ANKRD30B: variants seen among roughly 807,000 people sequenced by gnomAD.
The protein encoded by ANKRD30B is ankyrin repeat domain-containing protein 30B.
In ANKRD30B, 144 loss-of-function variants were observed where a neutral mutation model predicts 202.2. That is an observed-to-expected ratio of 0.71 (90% CI 0.62 to 0.82). ANKRD30B has a LOEUF of 0.82. Ranked by LOEUF, ANKRD30B falls within the 40% of genes least tolerant of loss-of-function variation. ANKRD30B has a pLI of 0.00. For synonymous variants in ANKRD30B, 508 were observed against 561.3 expected, an observed-to-expected ratio of 0.91 and a Z score of 1.34; for missense variants, 1,487 against 1,669.1, an observed-to-expected ratio of 0.89 and a Z score of 1.90.
the ANKRD30B span, among the ~76,000 whole-genome samples, chr18:14,904,097 A>G: frequency 2.6e-5 from 4 of 152,192 alleles, no homozygotes; most frequent in Non-Finnish European, 5.9e-5. Flanking sequence ...TCATCCACCC[A>G]CAGCAGGGCA....
At chr18:14,841,190 G>T (rs1475943289) in intron 37 of ANKRD30B, among the ~76,000 whole-genome samples, 1 of 152,196 alleles carries the variant, frequency 6.6e-6, no homozygotes, top group Non-Finnish European at 1.5e-5. Context: ...TTTATCTGCA[G>T]TATGTGAATA....
Position 14,851,711 on chromosome 18 carries a change from T to C in ANKRD30B, c.3767T>C (p.Val1256Ala), listed in dbSNP as rs773934918. ...ACCCTAAAACTGAAACAGAAAACAG[T>C]AACAAAAAGGGCATCTCAGTATAGA... ...QMTLKLKQKT[V>A]TKRASQYREQ... is the part of the protein sequence containing the mutation. Residue 1256 changes from valine to alanine, a missense_variant, in exon 42 of 44, where the codon GTA becomes GCA. This residue lies in a region of ANKRD30B where 177 missense variants were observed against 216.4 expected (regional missense o/e 0.82). Coordinates refer to ENST00000690538, the MANE Select transcript of ANKRD30B (RefSeq NM_001367607.2). 8.1e-6 allele frequency: 13 copies of C among 1,610,486 alleles called. No individual in the cohort carries two copies. The highest frequency in any genetic ancestry group is 1.3e-5 in the African/African-American group (1 of 74,386).
the ANKRD30B span, among the ~76,000 whole-genome samples, chr18:14,860,346 C>A: frequency 2.9e-5 from 3 of 101,786 alleles, no homozygotes; most frequent in Non-Finnish European, 6.0e-5. Flanking sequence ...ACTTCCCAGA[C>A]AGGGCTGCCG....
At chr18:14,896,091 T>A in the ANKRD30B span, among the ~76,000 whole-genome samples, 1 of 152,006 alleles carries the variant, frequency 6.6e-6, no homozygotes, top group Admixed American at 6.6e-5. Context: ...ATGGAGGAAC[T>A]GTGGGGGGAA....
At chr18:14,764,123 T>C (rs1244062515) in intron 7 of ANKRD30B, 33 bp downstream of exon 7, 2 of 1,467,280 alleles carry the variant, frequency 1.4e-6, no homozygotes, top group Non-Finnish European at 1.8e-6. Flanking sequence ...GCAGGGTTTA[T>C]TGGCACTTTG....
chr18:14,765,946 T>C (rs567670321), intron 7 of ANKRD30B, among the ~76,000 whole-genome samples: 13 of 152,316 alleles, frequency 8.5e-5, no homozygotes, highest in African/African-American at 2.9e-4. Flanking sequence ...GTAGGGTTTC[T>C]TTTTCACTGT....
Position 14,791,384 on chromosome 18 carries a change from G to C in ANKRD30B, c.1735-17G>C. On this transcript the variant is annotated splice_polypyrimidine_tract_variant and intron_variant, in intron 15 of 43. Coordinates refer to ENST00000690538, the MANE Select transcript of ANKRD30B (RefSeq NM_001367607.2). ...GATTTTTTCATTGAAATTATTTATT[G>C]ATATTACTTTTAACAGAGTCCCTGT... is the stretch of plus-strand genomic sequence containing the variant. The C allele has an allele frequency of 6.4e-7, 1 of 1,565,952 alleles. No individual in the cohort carries two copies. The highest frequency in any genetic ancestry group is 8.7e-7 in the Non-Finnish European group (1 of 1,151,568).
intron 30 of ANKRD30B, among the ~76,000 whole-genome samples, chr18:14,817,679 A>T (rs1389392884): frequency 6.6e-6 from 1 of 152,220 alleles, no homozygotes; most frequent in Non-Finnish European, 1.5e-5. Context: ...GCACTTAGTG[A>T]GGATGTACAT....
At chr18:14,808,473 A>T in intron 24 of ANKRD30B, 78 bp from the exon 25 acceptor site, 1 of 1,314,518 alleles carries the variant, frequency 7.6e-7, no homozygotes, top group Non-Finnish European at 1.1e-6. Context: ...ACTCATCTTC[A>T]TATTCACATT....
At chr18:14,821,285 T>C (rs1447529952) in intron 30 of ANKRD30B, among the ~76,000 whole-genome samples, 1 of 152,152 alleles carries the variant, frequency 6.6e-6, no homozygotes, top group East Asian at 1.9e-4. Flanking sequence ...TAGCGGTCTA[T>C]CAATTTTGTT....
chr18:14,761,884 C>A (rs1915316428), intron 6 of ANKRD30B, among the ~76,000 whole-genome samples: 1 of 152,258 alleles, frequency 6.6e-6, no homozygotes, highest in African/African-American at 2.4e-5. Flanking sequence ...ATCCCCCATG[C>A]AGCTGAAAAT....
chr18:14,924,858 G>A, the ANKRD30B span, among the ~76,000 whole-genome samples: 4 of 152,218 alleles, frequency 2.6e-5, no homozygotes, highest in African/African-American at 9.6e-5. Context: ...TCAGTGCAGT[G>A]GTTAGGACAC....
At chr18:14,840,146 C>T (rs1190656225) in intron 36 of ANKRD30B, among the ~76,000 whole-genome samples, 2 of 152,156 alleles carry the variant, frequency 1.3e-5, no homozygotes, top group Non-Finnish European at 2.9e-5. Flanking sequence ...AATATGTGAA[C>T]AGCCTTAAAT....
intron 34 of ANKRD30B, 68 bp from the exon 35 acceptor site, chr18:14,837,143 G>C: frequency 1.0e-6 from 1 of 964,622 alleles, no homozygotes; most frequent in Admixed American, 2.5e-5. Context: ...GATTGAGTGA[G>C]TGAATAAATA....
At chr18:14,778,197 G>C in intron 10 of ANKRD30B, 122 bp downstream of exon 10, 1 of 665,342 alleles carries the variant, frequency 1.5e-6, no homozygotes, top group Non-Finnish European at 2.6e-6. Flanking sequence ...GAAGAACAAA[G>C]GCAGTGAAAG....
intron 39 of ANKRD30B, among the ~76,000 whole-genome samples, chr18:14,845,951 T>A (rs1380844272): frequency 1.3e-5 from 2 of 152,124 alleles, no homozygotes; most frequent in Non-Finnish European, 2.9e-5. Flanking sequence ...AACTCCTACC[T>A]CCTAATAACG....
At chr18:14,750,884 T>C (rs1913326737) in intron 1 of ANKRD30B, among the ~76,000 whole-genome samples, 1 of 152,110 alleles carries the variant, frequency 6.6e-6, no homozygotes, top group African/African-American at 2.4e-5. Context: ...ACATTTGCTA[T>C]TTGAGGATAC....
intron 14 of ANKRD30B, among the ~76,000 whole-genome samples, chr18:14,785,312 A>G (rs1968011980): frequency 6.6e-6 from 1 of 152,174 alleles, no homozygotes; most frequent in African/African-American, 2.4e-5. Flanking sequence ...AATGTTCAGC[A>G]ACATTCTTAT....
At chr18:14,756,854 C>CA (rs1428911263) in intron 4 of ANKRD30B, among the ~76,000 whole-genome samples, 3 of 151,972 alleles carry the variant, frequency 2.0e-5, no homozygotes, top group Non-Finnish European at 4.4e-5. Flanking sequence ...ATCATGCTAC[C>CA]ACACTCCAGC....
Sources: gnomAD v4.1 joint callset for allele counts (sites outside exome capture counted in the v4.1 genomes callset) on GRCh38, gnomAD v4.1.1 for gene constraint, gnomAD v4.1.1 regional missense constraint, MANE v1.5 for transcripts, NCBI Gene and HGNC (gene_info 2026-07-23, HGNC 2026-07-21) for gene names.